CELF2: variants seen among roughly 807,000 people sequenced by gnomAD.
The protein encoded by CELF2 is CUGBP Elav-like family member 2, also known as CUG triplet repeat RNA-binding protein 2.
CELF2 carries 8 observed loss-of-function variants against 62.6 expected under a neutral mutation model. The observed-to-expected ratio is 0.13, with a 90% CI of 0.07 to 0.23. The LOEUF (loss-of-function observed/expected upper bound fraction) is 0.23, where lower values mean the gene tolerates loss of function less well. CELF2 is among the 10% of genes least tolerant of loss of function. The pLI is 1.00. For missense variants in CELF2, 333 were observed against 671.0 expected (o/e 0.50, Z 5.56); for synonymous variants, 258 against 250.0 (o/e 1.03, Z -0.30).
chr10:11,129,054 C>T (rs1227899215), intron 1 of CELF2, among the ~76,000 whole-genome samples: 2 of 152,158 alleles, frequency 1.3e-5, no homozygotes, highest in African/African-American at 2.4e-5. Flanking sequence ...TGTGTTCCAT[C>T]AATACCTAGT....
In CELF2 at chr10:11,025,440, G is replaced by C. The variant is rs2059038190; in HGVS notation, c.74+7277G>C. 3.9e-5 allele frequency among the ~76,000 whole-genome samples: 6 copies of C among 152,052 alleles called. No individual in the cohort carries two copies. In the South Asian group the frequency reaches 1.2e-3, roughly 32 times the overall value. On this transcript the variant is annotated intron_variant, in intron 1 of 12. Transcript: ENST00000633077. ...GTAGCGAGTTCTCACGAGATCCGAT[G>C]GTTTTATAAGGGGCCCTTCCCCCTT...
intron 2 of CELF2, among the ~76,000 whole-genome samples, chr10:10,944,603 T>A (rs1388713224): frequency 6.6e-6 from 1 of 151,892 alleles, no homozygotes. Context: ...GGATTTTTTT[T>A]TCTTTTGTTT....
chr10:10,670,547 C>A, the CELF2 span, among the ~76,000 whole-genome samples: 8 of 152,128 alleles, frequency 5.3e-5, no homozygotes, highest in Non-Finnish European at 1.0e-4. Flanking sequence ...TATCAGCATC[C>A]CCAACCAGAG....
At chr10:11,109,421 C>A (rs2054521883) in intron 1 of CELF2, among the ~76,000 whole-genome samples, 1 of 152,164 alleles carries the variant, frequency 6.6e-6, no homozygotes, top group African/African-American at 2.4e-5. Context: ...GCCTCAAGTA[C>A]ATGGTGAATG....
chr10:10,589,446 T>A, the CELF2 span, among the ~76,000 whole-genome samples: 2 of 152,220 alleles, frequency 1.3e-5, no homozygotes, highest in Non-Finnish European at 2.9e-5. Context: ...AGCTAGTTTT[T>A]CAGGTTAACT....
chr10:11,005,393 C>T lies in CELF2; in HGVS notation c.6C>T (p.Arg2=). The change falls in exon 1 of 13, where the codon CGC becomes CGT. Residue 2 remains arginine, a synonymous_variant. Transcript: ENST00000416382. The surrounding 1 kb of genome is among the most constrained non-coding windows in gnomAD (Gnocchi z 4.3). The stretch of plus-strand genomic sequence containing the variant: ...GAGACTATCAGTATAGAAGCATGCG[C>T]TGTCCCAAATCCGCTGTTACTATGA... 11 of 1,613,940 alleles carry T rather than the reference C, an allele frequency of 6.8e-6. No individual in the cohort carries two copies. The highest frequency in any genetic ancestry group is 9.3e-6 in the Non-Finnish European group (11 of 1,179,864).
the CELF2 span, among the ~76,000 whole-genome samples, chr10:10,625,713 A>G: frequency 3.9e-5 from 6 of 152,042 alleles, no homozygotes; most frequent in South Asian, 6.2e-4. Flanking sequence ...TTCCCCTTCA[A>G]TCCAGCTCTC....
chr10:10,484,725 A>G, the CELF2 span, among the ~76,000 whole-genome samples: 1 of 152,138 alleles, frequency 6.6e-6, no homozygotes, highest in Non-Finnish European at 1.5e-5. Flanking sequence ...ATAACCAAAA[A>G]TGTTAATGTG....
chr10:10,862,937 C>T (rs750897214), intron 1 of CELF2, among the ~76,000 whole-genome samples: 5 of 152,116 alleles, frequency 3.3e-5, no homozygotes, highest in Admixed American at 6.5e-5. Context: ...GAGTAAGTGG[C>T]AACATGGAGC....
the CELF2 span, among the ~76,000 whole-genome samples, chr10:10,612,615 G>A: frequency 1.2e-4 from 18 of 152,328 alleles, no homozygotes; most frequent in Admixed American, 3.3e-4. Context: ...ATGACAGTAA[G>A]CCTCTCAATT....
At chr10:10,764,711 C>T in the CELF2 span, among the ~76,000 whole-genome samples, 1 of 152,164 alleles carries the variant, frequency 6.6e-6, no homozygotes, top group African/African-American at 2.4e-5. Context: ...AATCATCATG[C>T]CAATACTTTA....
the CELF2 span, among the ~76,000 whole-genome samples, chr10:10,543,350 G>A: frequency 6.6e-6 from 1 of 152,184 alleles, no homozygotes; most frequent in South Asian, 2.1e-4. Context: ...TCCTAAGTGA[G>A]CTGAAGGTTA....
chr10:11,188,789 A>T (rs1385640347), intron 2 of CELF2, among the ~76,000 whole-genome samples: 3 of 152,140 alleles, frequency 2.0e-5, no homozygotes, highest in Admixed American at 2.0e-4. Flanking sequence ...GGCCATTTGA[A>T]GTTGCCTTAC....
At chr10:10,594,466 C>T in the CELF2 span, among the ~76,000 whole-genome samples, 1 of 152,156 alleles carries the variant, frequency 6.6e-6, no homozygotes, top group Non-Finnish European at 1.5e-5. Flanking sequence ...CCATAAGAGG[C>T]CTCCATTAGA....
chr10:10,592,545 T>G, the CELF2 span, among the ~76,000 whole-genome samples: 2 of 152,190 alleles, frequency 1.3e-5, no homozygotes, highest in African/African-American at 4.8e-5. Flanking sequence ...ACTCACGACT[T>G]CCTTTGACTA....
chr10:11,324,856 T>G lies in CELF2; in HGVS notation c.1295-980T>G, dbSNP rs1566002179. ...CCTGTTCCTCTCCTGTGAAGGCCAG[T>G]TGAGGATTCCTGACCCGCTGCAGAA... On this transcript the variant is annotated intron_variant, in intron 11 of 12. Coordinates refer to ENST00000633077, the MANE Select transcript of CELF2 (RefSeq NM_001326342.2). The surrounding 1 kb of genome is among the most constrained non-coding windows in gnomAD (Gnocchi z 4.7). 6.6e-6 allele frequency among the ~76,000 whole-genome samples: 1 copy of G among 152,208 alleles called. No homozygotes were observed. The highest frequency in any genetic ancestry group is 1.5e-5 in the Non-Finnish European group (1 of 68,028).
intron 1 of CELF2, among the ~76,000 whole-genome samples, chr10:11,051,408 A>G (rs1332535093): frequency 6.6e-6 from 1 of 152,232 alleles, no homozygotes. Context: ...TAAATCTGGC[A>G]GTATCCTTAG....
At chr10:10,702,671 G>A in the CELF2 span, among the ~76,000 whole-genome samples, 4 of 152,260 alleles carry the variant, frequency 2.6e-5, no homozygotes, top group East Asian at 1.9e-4. Flanking sequence ...TGCAACTTCC[G>A]CCTCCTAGGT....
At chr10:10,743,251 C>A in the CELF2 span, among the ~76,000 whole-genome samples, 1 of 152,202 alleles carries the variant, frequency 6.6e-6, no homozygotes, top group Non-Finnish European at 1.5e-5. Context: ...TGAAATATAG[C>A]CAGTGGTCTC....
Sources: allele counts gnomAD v4.1 joint callset (sites outside exome capture counted in the v4.1 genomes callset), GRCh38; gene constraint gnomAD v4.1.1; non-coding constraint Gnocchi (gnomAD v3.1); transcripts MANE v1.5; gene names NCBI Gene and HGNC (gene_info 2026-07-23, HGNC 2026-07-21).